Variants in RBFOX1 observed in about 807,000 individuals in gnomAD.
RBFOX1 encodes RNA binding protein fox-1 homolog 1.
A neutral mutation model predicts 57.7 loss-of-function variants in RBFOX1; 8 were observed. That is an observed-to-expected ratio of 0.14 (90% CI 0.08 to 0.25). RBFOX1 has a LOEUF of 0.25. Among genes scored for constraint, RBFOX1 ranks in the 10% least tolerant of loss-of-function variants. The probability of loss-of-function intolerance (pLI) is 1.00; values close to 1 mark genes in which losing one functional copy is unlikely to be tolerated. For missense variants in RBFOX1, 611 were observed against 548.5 expected (o/e 1.11, Z -1.14); for synonymous variants, 326 against 222.4 (o/e 1.47, Z -4.15).
intron 4 of RBFOX1, among the ~76,000 whole-genome samples, chr16:7,124,265 A>C (rs965814292): frequency 2.0e-5 from 3 of 152,018 alleles, no homozygotes; most frequent in South Asian, 2.1e-4. Context: ...TTTTTAAAAA[A>C]TTGCCAGGTG....
intron 4 of RBFOX1, among the ~76,000 whole-genome samples, chr16:5,898,185 AACTC>A (rs754714480): frequency 3.3e-5 from 5 of 152,134 alleles, no homozygotes; most frequent in Non-Finnish European, 7.3e-5. Context: ...ATCTTGTGAG[AACTC>A]ACTCACTCTC....
At chr16:7,363,908 C>T (rs894647438) in intron 4 of RBFOX1, among the ~76,000 whole-genome samples, 2 of 151,968 alleles carry the variant, frequency 1.3e-5, no homozygotes, top group Non-Finnish European at 2.9e-5. Flanking sequence ...ATTGTTGGCA[C>T]TTCAGCAGAA....
intron 4 of RBFOX1, among the ~76,000 whole-genome samples, chr16:7,192,461 G>A (rs75333561): frequency 2.4e-4 from 36 of 152,234 alleles, no homozygotes; most frequent in Admixed American, 5.2e-4. Flanking sequence ...ATTATAATAC[G>A]TGGAATGTAG....
chr16:7,535,753 C>G, intron 5 of RBFOX1, among the ~76,000 whole-genome samples: 1 of 152,202 alleles, frequency 6.6e-6, no homozygotes, highest in African/African-American at 2.4e-5. Flanking sequence ...TACACATGAA[C>G]AATTTTACAA....
Position 6,700,035 on chromosome 16 carries a change from A to C in RBFOX1, c.-16+45385A>C, listed in dbSNP as rs568492464. 5.3e-5 allele frequency among the ~76,000 whole-genome samples: 8 copies of C among 152,254 alleles called. No individual in the cohort carries two copies. In the East Asian group the frequency reaches 1.4e-3, roughly 26 times the overall value. On this transcript the variant is annotated intron_variant, in intron 3 of 15. Coordinates refer to ENST00000550418, the MANE Select transcript of RBFOX1 (RefSeq NM_018723.4). ...ATCTTTTCCTTCTCTTACGATTGGC[A>C]AGAAAAAGCTTAAAACCTCTCTCTC...
At chr16:7,469,655 T>C (rs975137660) in intron 4 of RBFOX1, among the ~76,000 whole-genome samples, 1 of 152,360 alleles carries the variant, frequency 6.6e-6, no homozygotes, top group Admixed American at 6.5e-5. Flanking sequence ...CTCACATCAT[T>C]ATGGTACATT....
At chr16:5,396,407 G>A (rs1171051328) in intron 1 of RBFOX1, among the ~76,000 whole-genome samples, 1 of 152,130 alleles carries the variant, frequency 6.6e-6, no homozygotes, top group Non-Finnish European at 1.5e-5. Context: ...TTGGGAGGCT[G>A]AGGCAGGTGA....
intron 4 of RBFOX1, among the ~76,000 whole-genome samples, chr16:5,965,232 A>T (rs1161643996): frequency 6.6e-6 from 1 of 152,204 alleles, no homozygotes. Context: ...AAAATACAGT[A>T]TAGTGACTAT....
At chr16:5,641,702 A>G (rs1417750380) in intron 3 of RBFOX1, among the ~76,000 whole-genome samples, 1 of 152,208 alleles carries the variant, frequency 6.6e-6, no homozygotes, top group African/African-American at 2.4e-5. Context: ...AGGCGGGGGC[A>G]TGTTGACTTT....
intron 2 of RBFOX1, among the ~76,000 whole-genome samples, chr16:6,560,340 TGG>T (rs35845412): frequency 1.7e-4 from 15 of 87,424 alleles, no homozygotes; most frequent in East Asian, 5.7e-4. Flanking sequence ...GGCAGGAGAG[TGG>T]GGGTGGAAGA....
chr16:6,324,661 C>G (rs922851320), intron 2 of RBFOX1, among the ~76,000 whole-genome samples: 2 of 152,220 alleles, frequency 1.3e-5, no homozygotes, highest in Admixed American at 6.5e-5. Flanking sequence ...ATTTAATCAC[C>G]TACCACCTGG....
At chr16:6,408,789 G>A (rs2093367552) in intron 2 of RBFOX1, among the ~76,000 whole-genome samples, 1 of 152,202 alleles carries the variant, frequency 6.6e-6, no homozygotes. Context: ...GAAAATGACA[G>A]TGATTTGTGT....
chr16:5,818,131 A>G (rs1019941880), intron 3 of RBFOX1, among the ~76,000 whole-genome samples: 1 of 152,218 alleles, frequency 6.6e-6, no homozygotes, highest in Non-Finnish European at 1.5e-5. Context: ...ATACTTCATT[A>G]GATCATCACC....
chr16:5,433,893 A>C (rs1302504817), intron 1 of RBFOX1, among the ~76,000 whole-genome samples: 1 of 152,166 alleles, frequency 6.6e-6, no homozygotes, highest in East Asian at 1.9e-4. Flanking sequence ...AGGACGTTAG[A>C]GACAAGACAA....
chr16:5,574,560 G>A (rs1417321954), intron 2 of RBFOX1, among the ~76,000 whole-genome samples: 3 of 151,860 alleles, frequency 2.0e-5, no homozygotes, highest in Admixed American at 6.6e-5. Context: ...GGATTACGGT[G>A]CCTGCCACCA....
At chr16:6,753,733 G>A (rs560509198) in intron 3 of RBFOX1, among the ~76,000 whole-genome samples, 26 of 46,694 alleles carry the variant, frequency 5.6e-4, no homozygotes, top group African/African-American at 1.4e-3. Flanking sequence ...AGTTAGCGGA[G>A]CAGCAGCTCT....
Position 6,238,289 on chromosome 16 carries a change from A to T in RBFOX1, c.-126-78706A>T, listed in dbSNP as rs1054460292. Reference sequence around the variant, plus strand: ...AGGTTTTTAACTTTCTTAGAAACGAAATTTGTCCTTTTGAAACTCCCTCTT... The same window carrying T: ...AGGTTTTTAACTTTCTTAGAAACGATATTTGTCCTTTTGAAACTCCCTCTT... On this transcript the variant is annotated intron_variant, in intron 1 of 15. Transcript: ENST00000550418. 1.6e-4 allele frequency among the ~76,000 whole-genome samples: 25 copies of T among 152,050 alleles called. 1 individual carries two copies. The Middle Eastern group carries it at 0.01, about 62-fold the overall frequency.
chr16:5,274,736 G>T (rs1441552104), intron 1 of RBFOX1, among the ~76,000 whole-genome samples: 1 of 152,222 alleles, frequency 6.6e-6, no homozygotes, highest in African/African-American at 2.4e-5. Context: ...CCACCTCTCA[G>T]TCCCTTGCAT....
intron 4 of RBFOX1, among the ~76,000 whole-genome samples, chr16:5,962,603 A>G (rs563756540): frequency 2.6e-5 from 4 of 152,278 alleles, no homozygotes; most frequent in South Asian, 2.1e-4. Context: ...CCTCATTCAT[A>G]GTCATTCATT....
Sources: gnomAD v4.1 joint callset for allele counts (sites outside exome capture counted in the v4.1 genomes callset) on GRCh38, gnomAD v4.1.1 for gene constraint, MANE v1.5 for transcripts, NCBI Gene and HGNC (gene_info 2026-07-23, HGNC 2026-07-21) for gene names.